Variants in FNBP1 observed in about 807,000 individuals in gnomAD.
The protein encoded by FNBP1 is formin-binding protein 1.
FNBP1 carries 26 observed loss-of-function variants against 90.6 expected under a neutral mutation model. The ratio of observed to expected loss-of-function variants is 0.29; its 90% CI spans 0.21 to 0.40. The LOEUF is 0.40. Ranked by LOEUF, FNBP1 falls within the 10% of genes least tolerant of loss-of-function variation. The pLI is 1.00. For synonymous variants in FNBP1, 260 were observed against 265.2 expected (o/e 0.98, Z 0.19); for missense variants, 635 against 768.0 (o/e 0.83, Z 2.05).
At chr9:130,008,748 C>G (rs970520748) in intron 1 of FNBP1, among the ~76,000 whole-genome samples, 1 of 152,116 alleles carries the variant, frequency 6.6e-6, no homozygotes, top group Non-Finnish European at 1.5e-5. Context: ...GATCAATCAG[C>G]AGGTGCAAAG....
In FNBP1 at chr9:129,934,315, T is replaced by C. The variant is rs565018603; in HGVS notation, c.514-4620A>G. Among the ~76,000 whole-genome samples the C allele has an allele frequency of 1.2e-4, 19 of 152,296 alleles. No homozygotes were observed. In the East Asian group the frequency reaches 3.7e-3, roughly 29 times the overall value. On this transcript the variant is annotated intron_variant, in intron 6 of 16. Transcript: ENST00000446176. ...GCAATATTACTACAGGGCAGAAAGATGTACAGAGAGTTGGCTTGTTTTACT... is the reference window on the plus strand; with the variant it reads ...GCAATATTACTACAGGGCAGAAAGACGTACAGAGAGTTGGCTTGTTTTACT...
intron 2 of FNBP1, among the ~76,000 whole-genome samples, chr9:129,982,568 C>T (rs548718657): frequency 2.0e-5 from 3 of 152,170 alleles, no homozygotes; most frequent in Non-Finnish European, 2.9e-5. Context: ...ATATTGAGAG[C>T]AGCACATATG....
chr9:130,033,344 A>C (rs1052127315), intron 1 of FNBP1, among the ~76,000 whole-genome samples: 1 of 152,082 alleles, frequency 6.6e-6, no homozygotes, highest in Non-Finnish European at 1.5e-5. Context: ...GCACTGCCTC[A>C]CTCAACTGGG....
chr9:130,036,688 G>C (rs892578520), intron 1 of FNBP1, among the ~76,000 whole-genome samples: 1 of 152,204 alleles, frequency 6.6e-6, no homozygotes, highest in Non-Finnish European at 1.5e-5. Flanking sequence ...GGTTCAGGGA[G>C]TATTATCTCC....
At chr9:130,038,931 G>A (rs2059589071) in intron 1 of FNBP1, among the ~76,000 whole-genome samples, 1 of 152,066 alleles carries the variant, frequency 6.6e-6, no homozygotes, top group Admixed American at 6.5e-5. Context: ...ACACTAATAA[G>A]CAAGCTAATA....
intron 6 of FNBP1, among the ~76,000 whole-genome samples, chr9:129,932,615 C>G (rs1443745825): frequency 6.6e-6 from 1 of 152,106 alleles, no homozygotes. Flanking sequence ...TTTCTTAAGG[C>G]CTTTGGATCT....
chr9:129,907,580 G>GGGGGGTGTGTGT (rs942734835), intron 12 of FNBP1, among the ~76,000 whole-genome samples: 1 of 147,108 alleles, frequency 6.8e-6, no homozygotes, highest in African/African-American at 2.5e-5. Flanking sequence ...TAGGAGTGAG[G>GGGGGGTGTGTGT]GTGTGTGTGT....
Position 130,005,328 on chromosome 9 carries a change from T to C in FNBP1, c.25-10370A>G, listed in dbSNP as rs2055509358. On this transcript the variant is annotated intron_variant, in intron 1 of 16. Transcript: ENST00000446176. ...TAACAAAGATTTAAATTAATTTCCATAGACAAATTGAGATTTTTTTTTTTT... is the reference window on the plus strand; with the variant it reads ...TAACAAAGATTTAAATTAATTTCCACAGACAAATTGAGATTTTTTTTTTTT... Among the ~76,000 whole-genome samples, 6 of 142,858 alleles carry C rather than the reference T, an allele frequency of 4.2e-5. No homozygotes were observed. In the South Asian group the frequency reaches 1.1e-3, roughly 26 times the overall value. 93.7% of individuals were successfully genotyped at this position (142,858 alleles called of 152,430 possible).
At chr9:130,052,685 T>A in the FNBP1 span, among the ~76,000 whole-genome samples, 2 of 151,986 alleles carry the variant, frequency 1.3e-5, no homozygotes, top group Admixed American at 6.6e-5. Flanking sequence ...TCCGCCCGCC[T>A]CGGCGTTCCA....
chr9:130,022,209 CT>C (rs1182706263), intron 1 of FNBP1, among the ~76,000 whole-genome samples: 1,898 of 145,316 alleles, frequency 0.013, 35 homozygotes, highest in African/African-American at 0.039. Flanking sequence ...ATAAAATTAA[CT>C]TTTTTTTTTT....
At chr9:130,038,097 G>A (rs2059486433) in intron 1 of FNBP1, among the ~76,000 whole-genome samples, 1 of 152,094 alleles carries the variant, frequency 6.6e-6, no homozygotes, top group Non-Finnish European at 1.5e-5. Context: ...GCTCACGCCT[G>A]TAATCCCAGC....
At chr9:129,948,236 G>A (rs908541006) in intron 6 of FNBP1, among the ~76,000 whole-genome samples, 1 of 151,830 alleles carries the variant, frequency 6.6e-6, no homozygotes, top group East Asian at 1.9e-4. Flanking sequence ...TCACACTACT[G>A]CACTCCAGCC....
intron 1 of FNBP1, among the ~76,000 whole-genome samples, chr9:130,035,156 G>A (rs1010864048): frequency 2.6e-5 from 4 of 152,008 alleles, no homozygotes; most frequent in African/African-American, 4.8e-5. Context: ...AAAATGACTC[G>A]CTGCCCAGCT....
rs1216398298 is a variant in FNBP1 at position 129,893,612 on chromosome 9, C to CAAAAAAAA, written c.1846+2218_1846+2225dup. ...TAGGTGACAGAGTGAGACTCTGTCTCAAAAAAAAAAAAAAAAAAAAAAAAA... is the reference window on the plus strand; with the variant it reads ...TAGGTGACAGAGTGAGACTCTGTCTCAAAAAAAAAAAAAAAAAAAAAAAAAAAAAAAAA... On this transcript the variant is annotated intron_variant, in intron 16 of 16. Transcript: ENST00000446176. Among the ~76,000 whole-genome samples, 10 of 22,312 alleles carry CAAAAAAAA rather than the reference C, an allele frequency of 4.5e-4. 1 individual carries two copies. The highest frequency in any genetic ancestry group is 1.7e-3 in the African/African-American group (10 of 5,934). 14.6% of individuals were successfully genotyped at this position (22,312 alleles called of 152,430 possible).
At chr9:130,020,532 T>A (rs2057723679) in intron 1 of FNBP1, among the ~76,000 whole-genome samples, 1 of 152,168 alleles carries the variant, frequency 6.6e-6, no homozygotes, top group African/African-American at 2.4e-5. Flanking sequence ...TTTTTTCTTT[T>A]TGTTTTACTA....
intron 2 of FNBP1, among the ~76,000 whole-genome samples, chr9:129,985,961 CAAAAAAAA>C (rs898462142): frequency 2.8e-3 from 127 of 45,124 alleles, no homozygotes; most frequent in African/African-American, 0.011. Flanking sequence ...AGCTCCATCT[CAAAAAAAA>C]AAAAAAAAAA....
Position 129,958,495 on chromosome 9 carries a change from T to C in FNBP1, c.404A>G (p.Glu135Gly). 1.3e-6 allele frequency: 2 copies of C among 1,594,210 alleles called. No homozygotes were observed. The highest frequency in any genetic ancestry group is 1.7e-6 in the Non-Finnish European group (2 of 1,169,282). Residue 135 changes from glutamate (E) to glycine (G), a missense_variant, in exon 5 of 17, where the codon GAA becomes GGA. By Grantham distance (98) the Glu-to-Gly change is moderately conservative. Transcript: ENST00000446176. The stretch of plus-strand genomic sequence containing the variant: ...TGCTGTGCATTGTTCACTTACAGAT[T>C]CAAGCTGCTTCCAGCAAGTCTCGAT... ...QHIETCWKQL[E>G]SSKRRFERDC...
At chr9:129,970,726 T>G (rs1588972408) in intron 4 of FNBP1, among the ~76,000 whole-genome samples, 1 of 152,060 alleles carries the variant, frequency 6.6e-6, no homozygotes, top group Non-Finnish European at 1.5e-5. Context: ...TGGAACCCAC[T>G]AGGTGAAGAA....
At chr9:129,939,183 G>A (rs1474991149) in intron 6 of FNBP1, among the ~76,000 whole-genome samples, 1 of 151,470 alleles carries the variant, frequency 6.6e-6, no homozygotes, top group Non-Finnish European at 1.5e-5. Context: ...GAGGTCAGGA[G>A]TTCAAGACCA....
Sources: allele counts gnomAD v4.1 joint callset (sites outside exome capture counted in the v4.1 genomes callset), GRCh38; gene constraint gnomAD v4.1.1; transcripts MANE v1.5; gene names NCBI Gene and HGNC (gene_info 2026-07-23, HGNC 2026-07-21).